PIK3CD: variants seen among roughly 807,000 people sequenced by gnomAD.
PIK3CD encodes phosphatidylinositol 4,5-bisphosphate 3-kinase catalytic subunit delta isoform.
A neutral mutation model predicts 122.9 loss-of-function variants in PIK3CD; 20 were observed. That is an observed-to-expected ratio of 0.16 (90% CI 0.11 to 0.24). The LOEUF (loss-of-function observed/expected upper bound fraction) is 0.24. Among genes scored for constraint, PIK3CD ranks in the 10% least tolerant of loss-of-function variants. The pLI is 1.00. For missense variants in PIK3CD, 787 were observed against 1,406.3 expected, an observed-to-expected ratio of 0.56 and a Z score of 7.04; for synonymous variants, 596 against 593.4, an observed-to-expected ratio of 1.00 and a Z score of -0.06.
intron 2 of PIK3CD, among the ~76,000 whole-genome samples, chr1:9,694,376 A>T (rs1222443871): frequency 2.0e-5 from 3 of 152,118 alleles, no homozygotes; most frequent in Non-Finnish European, 4.4e-5. Context: ...TCTACTAAAA[A>T]TACAAAAATT....
At chr1:9,633,097 G>A in the PIK3CD span, among the ~76,000 whole-genome samples, 6 of 151,972 alleles carry the variant, frequency 3.9e-5, no homozygotes, top group African/African-American at 9.7e-5. Context: ...TCCTGACCTC[G>A]TGATCCGCCC....
intron 1 of PIK3CD, among the ~76,000 whole-genome samples, chr1:9,656,017 CAG>C (rs1478748793): frequency 2.2e-4 from 33 of 152,102 alleles, no homozygotes; most frequent in African/African-American, 7.5e-4. Flanking sequence ...ATTCTGAGCA[CAG>C]GGGGAGTGAT....
At chr1:9,630,612 A>G in the PIK3CD span, among the ~76,000 whole-genome samples, 2 of 152,204 alleles carry the variant, frequency 1.3e-5, no homozygotes, top group Non-Finnish European at 2.9e-5. Context: ...TGATATAGCC[A>G]GGAGTATGAT....
chr1:9,681,746 C>T (rs1385692038), intron 1 of PIK3CD, among the ~76,000 whole-genome samples: 3 of 152,152 alleles, frequency 2.0e-5, no homozygotes, highest in Non-Finnish European at 4.4e-5. Flanking sequence ...AGGTGCTATC[C>T]CATCACTGTG....
chr1:9,639,393 TGAGCACCCCC>T, the PIK3CD span, among the ~76,000 whole-genome samples: 1 of 152,144 alleles, frequency 6.6e-6, no homozygotes, highest in Non-Finnish European at 1.5e-5. Flanking sequence ...TCCATCCTGC[TGAGCACCCCC>T]GAGAGGGTAA....
intron 2 of PIK3CD, among the ~76,000 whole-genome samples, chr1:9,699,803 G>C (rs182389199): frequency 1.2e-4 from 19 of 152,296 alleles, no homozygotes; most frequent in African/African-American, 4.3e-4. Context: ...GTGTGGGCCA[G>C]GCTGGTCTTG....
rs796460801 is a variant in PIK3CD at position 9,710,005 on chromosome 1, CAA to C, written c.-32-407_-32-406del. On this transcript the variant is annotated intron_variant, in intron 2 of 23. Transcript: ENST00000377346. The surrounding 1 kb of genome is among the most constrained non-coding windows in gnomAD (Gnocchi z 4.7). ...TGGGTGACAGAGCAAGACTCCGGCT[CAA>C]AAAAAAAAAAAGAATGTATTTCAAA... 7.7e-6 allele frequency among the ~76,000 whole-genome samples: 1 copy of C among 129,986 alleles called. No homozygotes were observed. The highest frequency in any genetic ancestry group is 1.7e-5 in the Non-Finnish European group (1 of 59,582). The allele number at this position is 129,986 out of a possible 152,430, so 85.3% of individuals were successfully genotyped here.
rs779412503 is a variant in PIK3CD at position 9,720,531 on chromosome 1, G to T, written c.1471-80G>T. ...GACAGCGCCCCCTCAAGGATGATTG[G>T]GGTGGCAATGCCCGGCCTGGGGGTC... On this transcript the variant is annotated intron_variant, in intron 11 of 23. Coordinates refer to ENST00000377346, the MANE Select transcript of PIK3CD (RefSeq NM_005026.5). This position sits in a 1 kb window ranked among gnomAD's most constrained non-coding sequence, Gnocchi z 9.0. 4 of 1,544,798 alleles carry T rather than the reference G, an allele frequency of 2.6e-6. No homozygotes were observed. In the African/African-American group the frequency reaches 4.1e-5, roughly 16 times the overall value.
the PIK3CD span, among the ~76,000 whole-genome samples, chr1:9,635,274 T>TG: frequency 3.0e-5 from 3 of 99,714 alleles, no homozygotes; most frequent in African/African-American, 1.4e-4. Context: ...GACTCCATCC[T>TG]GAAAAAAAAA....
chr1:9,655,539 A>T (rs1644827277), intron 1 of PIK3CD, among the ~76,000 whole-genome samples: 2 of 139,854 alleles, frequency 1.4e-5, no homozygotes, highest in Admixed American at 1.6e-4. Context: ...GGGCCAGCAC[A>T]GTCCCTAGGG....
intron 1 of PIK3CD, among the ~76,000 whole-genome samples, chr1:9,683,609 T>C (rs1029410845): frequency 6.6e-6 from 1 of 152,092 alleles, no homozygotes; most frequent in Admixed American, 6.6e-5. Context: ...CTCATGAAGA[T>C]GACTATTGTA....
At chr1:9,639,304 G>GA in the PIK3CD span, among the ~76,000 whole-genome samples, 3 of 152,242 alleles carry the variant, frequency 2.0e-5, no homozygotes, top group South Asian at 6.2e-4. Context: ...TAACTACCGA[G>GA]AGTGGGTATT....
rs147855530 is a variant in PIK3CD at position 9,671,866 on chromosome 1, G to A, written c.-137-19601G>A. ...CTCTCCCAGGGTGGTGGCAAGAGCC[G>A]CCCCTGGCCCCACTCAAGGGGCCTG... On this transcript the variant is annotated intron_variant, in intron 1 of 23. Transcript: ENST00000377346. Among the ~76,000 whole-genome samples, 52 of 152,294 alleles carry A rather than the reference G, an allele frequency of 3.4e-4. No homozygotes were observed. In the East Asian group the frequency reaches 7.9e-3, roughly 23 times the overall value.
At chr1:9,649,554 C>T (rs1267060474), upstream of PIK3CD, among the ~76,000 whole-genome samples, 3 of 152,094 alleles carry the variant, frequency 2.0e-5, no homozygotes, top group Non-Finnish European at 2.9e-5. Context: ...TTATTGCAGC[C>T]TCTGGAGCCA....
chr1:9,718,004 G>A lies in PIK3CD; in HGVS notation c.1020+378G>A, dbSNP rs1425450377. On this transcript the variant is annotated intron_variant, in intron 8 of 23. Coordinates refer to ENST00000377346, the MANE Select transcript of PIK3CD (RefSeq NM_005026.5). This position sits in a 1 kb window ranked among gnomAD's most constrained non-coding sequence, Gnocchi z 7.2. Reference sequence around the variant, plus strand: ...TGCTCCCTGGAGGCACCAGGGCGGTGCCTGCAGCCTGTGAGGGCTGCACCT... The same window carrying A: ...TGCTCCCTGGAGGCACCAGGGCGGTACCTGCAGCCTGTGAGGGCTGCACCT... 4 of 460,044 alleles carry A rather than the reference G, an allele frequency of 8.7e-6. No homozygotes were observed. The highest frequency in any genetic ancestry group is 5.9e-5 in the African/African-American group (3 of 50,924). The allele number at this position is 460,044 out of a possible 1,614,324, so 28.5% of individuals were successfully genotyped here.
chr1:9,629,103 G>A, the PIK3CD span, among the ~76,000 whole-genome samples: 1 of 152,120 alleles, frequency 6.6e-6, no homozygotes, highest in Admixed American at 6.5e-5. Context: ...CTTCCCCTGG[G>A]GGTCTCGGGC....
chr1:9,638,680 C>T, the PIK3CD span, among the ~76,000 whole-genome samples: 2 of 131,812 alleles, frequency 1.5e-5, no homozygotes, highest in Non-Finnish European at 3.1e-5. Flanking sequence ...TGCAGTGAGC[C>T]GAGATTGCAC....
At chr1:9,654,018 C>T (rs1276424004) in intron 1 of PIK3CD, 2 of 1,292,828 alleles carry the variant, frequency 1.5e-6, no homozygotes, top group Non-Finnish European at 2.0e-6. Context: ...TTGCAGTAAG[C>T]TATTACAGTG....
Position 9,721,266 on chromosome 1 carries a change from GCTCCCCA to G in PIK3CD, c.1811+21_1811+27del. 3 of 1,613,042 alleles carry G rather than the reference GCTCCCCA, an allele frequency of 1.9e-6. No individual in the cohort carries two copies. In the East Asian group the frequency reaches 6.7e-5, roughly 36 times the overall value. The stretch of plus-strand genomic sequence containing the variant: ...AAACTGACGTGAGTCCCAGCTGGGC[GCTCCCCA>G]CTTCTCCAGAGGGCAGCTGTGTCCT... On this transcript the variant is annotated intron_variant, in intron 14 of 23. Transcript: ENST00000377346.
Sources: gnomAD v4.1 joint callset for allele counts (sites outside exome capture counted in the v4.1 genomes callset) on GRCh38, gnomAD v4.1.1 for gene constraint, Gnocchi (gnomAD v3.1) non-coding constraint, MANE v1.5 for transcripts, NCBI Gene and HGNC (gene_info 2026-07-23, HGNC 2026-07-21) for gene names.